Variants in HOGA1 observed in about 807,000 individuals in gnomAD.
The protein encoded by HOGA1 is 4-hydroxy-2-oxoglutarate aldolase, mitochondrial.
In HOGA1, 30 loss-of-function variants were observed where a neutral mutation model predicts 34.3. That is an observed-to-expected ratio of 0.87 (90% CI 0.65 to 1.19). HOGA1 has a LOEUF of 1.19. Ranked by LOEUF, HOGA1 falls within the 50% of genes most tolerant of loss-of-function variation. HOGA1 has a pLI of 0.00. For missense variants in HOGA1, 417 were observed against 436.5 expected (o/e 0.96, Z 0.40); for synonymous variants, 161 against 174.0 (o/e 0.93, Z 0.59).
At chr10:97,611,018 G>T (rs1328709628) in intron 6 of HOGA1, among the ~76,000 whole-genome samples, 1 of 152,180 alleles carries the variant, frequency 6.6e-6, no homozygotes, top group East Asian at 1.9e-4. Context: ...TAGTGTTAGG[G>T]TCAGGAGGAG....
chr10:97,589,526 C>T (rs567139455), intron 1 of HOGA1, among the ~76,000 whole-genome samples: 1 of 151,916 alleles, frequency 6.6e-6, no homozygotes, highest in Non-Finnish European at 1.5e-5. Flanking sequence ...TTTCACTGAG[C>T]CTGGGGACAG....
At chr10:97,590,520 A>G (rs1176913650) in intron 1 of HOGA1, 3 of 1,612,432 alleles carry the variant, frequency 1.9e-6, no homozygotes, top group African/African-American at 2.7e-5. Flanking sequence ...CACAGTCACC[A>G]TGGCCACCCA....
At chr10:97,600,411 A>G (rs1276730864) in intron 5 of HOGA1, 2 of 569,442 alleles carry the variant, frequency 3.5e-6, no homozygotes, top group Admixed American at 5.8e-5. Context: ...GGATGCCTGC[A>G]GTTTGTTCTG....
rs1299906291 is a variant in HOGA1, at chr10:97,584,849, C to T, written c.146C>T (p.Thr49Ile). 6.2e-7 allele frequency: 1 copy of T among 1,614,180 alleles called. No homozygotes were observed. The highest frequency in any genetic ancestry group is 1.3e-5 in the African/African-American group (1 of 75,058). The change falls in exon 1 of 7, where the codon ACT becomes ATT. Residue 49 changes from threonine (T) to isoleucine (I), a missense_variant. Thr to Ile is a moderately conservative substitution (Grantham distance 89). Coordinates refer to ENST00000370646, the MANE Select transcript of HOGA1 (RefSeq NM_138413.4). ...CCTGTGACCACCCCCTTCACTGCCA[C>T]TGCAGAGGTGGACTATGGGAAACTG... Reference protein sequence around the residue: ...YPPVTTPFTATAEVDYGKLEE... With the variant: ...YPPVTTPFTAIAEVDYGKLEE...
intron 1 of HOGA1, among the ~76,000 whole-genome samples, chr10:97,585,273 C>T (rs1248902950): frequency 6.6e-6 from 1 of 152,124 alleles, no homozygotes. Flanking sequence ...GCTGGGGTCA[C>T]GTGGCAGCCC....
intron 1 of HOGA1, among the ~76,000 whole-genome samples, chr10:97,585,877 G>A (rs1460019250): frequency 3.3e-5 from 5 of 152,170 alleles, no homozygotes; most frequent in African/African-American, 7.2e-5. Flanking sequence ...TGGAGTGAGC[G>A]CCTGTAATCC....
intron 6 of HOGA1, among the ~76,000 whole-genome samples, chr10:97,602,937 C>T (rs2041131148): frequency 6.6e-6 from 1 of 152,186 alleles, no homozygotes; most frequent in Non-Finnish European, 1.5e-5. Context: ...AGTGATCTGC[C>T]CACCTCAGCC....
intron 1 of HOGA1, among the ~76,000 whole-genome samples, chr10:97,593,126 C>G (rs1028819218): frequency 4.0e-5 from 6 of 151,634 alleles, no homozygotes; most frequent in Non-Finnish European, 8.8e-5. Flanking sequence ...TAGGCTCTTG[C>G]CTGAGAGTTG....
Position 97,611,800 on chromosome 10 carries a change from C to A in HOGA1, c.*141C>A, listed in dbSNP as rs1024150208. ...GGCTCCTTTGCCTGCTGTGGTCCTC[C>A]AGGCAGCCTTTCACAGGCACGCCCA... On this transcript the variant is annotated 3_prime_UTR_variant, in exon 7 of 7. Transcript: ENST00000370646. 6.8e-6 allele frequency: 7 copies of A among 1,031,546 alleles called. No homozygotes were observed. The highest frequency in any genetic ancestry group is 1.0e-5 in the Non-Finnish European group (7 of 702,500). 63.9% of individuals were successfully genotyped at this position (1,031,546 alleles called of 1,614,324 possible).
intron 1 of HOGA1, among the ~76,000 whole-genome samples, chr10:97,595,543 A>C (rs1011970014): frequency 6.6e-6 from 1 of 152,130 alleles, no homozygotes; most frequent in African/African-American, 2.4e-5. Context: ...TAAAAATACA[A>C]AAATTAGCCG....
In HOGA1 at chr10:97,601,914, T is replaced by C; in HGVS notation, c.758T>C (p.Leu253Pro). 1 of 1,612,980 alleles carries C rather than the reference T, an allele frequency of 6.2e-7. No homozygotes were observed. Among genetic ancestry groups the C allele is most frequent in the Non-Finnish European group, 8.5e-7 (1 of 1,180,004 alleles). ...ANVLGAQVCQLERLCCTGQWE... is the reference protein window; with the variant it reads ...ANVLGAQVCQPERLCCTGQWE... ...GTCCTGGGGGCTCAGGTGTGCCAGC[T>C]GGAGCGACTGTGCTGCACGGGGCAA... is the stretch of plus-strand genomic sequence containing the variant. The change falls in exon 6 of 7, where the codon CTG becomes CCG. Residue 253 changes from leucine (L) to proline (P), a missense_variant. Transcript: ENST00000370646.
chr10:97,598,749 G>C, intron 1 of HOGA1, 26 bp from the exon 2 acceptor site: 5 of 1,614,164 alleles, frequency 3.1e-6, no homozygotes, highest in Non-Finnish European at 3.4e-6. Flanking sequence ...GGATGGGAAG[G>C]AGTTAGTCAG....
chr10:97,585,899 G>A (rs2040967119), intron 1 of HOGA1, among the ~76,000 whole-genome samples: 1 of 152,176 alleles, frequency 6.6e-6, no homozygotes, highest in Non-Finnish European at 1.5e-5. Flanking sequence ...AACACTTTGG[G>A]AGGCCGAGGC....
chr10:97,600,380 A>G (rs1263918612), intron 5 of HOGA1: 12 of 618,516 alleles, frequency 1.9e-5, no homozygotes, highest in Non-Finnish European at 2.9e-5. Context: ...ATGGCCGTGT[A>G]CAATCCCTGG....
At chr10:97,605,425 A>G (rs2041150417) in intron 6 of HOGA1, among the ~76,000 whole-genome samples, 1 of 151,596 alleles carries the variant, frequency 6.6e-6, no homozygotes, top group South Asian at 2.1e-4. Context: ...AAAAAAAACA[A>G]AAAACCAAAA....
Position 97,598,769 on chromosome 10 carries a change from T to C in HOGA1, c.212-6T>C, listed in dbSNP as rs372066473. ...GGAAGGAGTTAGTCAGCTGTGTCTCTTGCAGGCTTCGTGGTCCAGGGCTCC... is the reference window on the plus strand; with the variant it reads ...GGAAGGAGTTAGTCAGCTGTGTCTCCTGCAGGCTTCGTGGTCCAGGGCTCC... On this transcript the variant is annotated splice_polypyrimidine_tract_variant and splice_region_variant and intron_variant, in intron 1 of 6. Coordinates refer to ENST00000370646, the MANE Select transcript of HOGA1 (RefSeq NM_138413.4). 13 of 1,614,112 alleles carry C rather than the reference T, an allele frequency of 8.1e-6. No individual in the cohort carries two copies. Among genetic ancestry groups the C allele is most frequent in the Middle Eastern group, 3.3e-4 (2 of 6,084 alleles).
chr10:97,607,310 C>T (rs180995995), intron 6 of HOGA1, among the ~76,000 whole-genome samples: 1 of 152,154 alleles, frequency 6.6e-6, no homozygotes, highest in Non-Finnish European at 1.5e-5. Flanking sequence ...CTTCCCTCCC[C>T]CTGGCCTGCT....
Position 97,602,419 on chromosome 10 carries a change from A to G in HOGA1, c.834+429A>G, listed in dbSNP as rs2135724312. On this transcript the variant is annotated intron_variant, in intron 6 of 6. Transcript: ENST00000370646. The stretch of plus-strand genomic sequence containing the variant: ...AATGACTGGGGCTGGCAAAGGAGTT[A>G]GAAGGCAGGAGAGTGTTGTCTTCAA... 3 of 985,410 alleles carry G rather than the reference A, an allele frequency of 3.0e-6. 1 individual carries two copies. The highest frequency in any genetic ancestry group is 3.6e-6 in the Non-Finnish European group (3 of 829,934). The allele number at this position is 985,410 out of a possible 1,614,324, so 61.0% of individuals were successfully genotyped here.
intron 5 of HOGA1, 55 bp downstream of exon 5, chr10:97,600,218 C>A (rs781419688): frequency 4.7e-5 from 67 of 1,424,604 alleles, no homozygotes; most frequent in Non-Finnish European, 6.6e-5. Flanking sequence ...TACCCAGGTA[C>A]CTGGGTCTTC....
Sources: allele counts gnomAD v4.1 joint callset (sites outside exome capture counted in the v4.1 genomes callset), GRCh38; gene constraint gnomAD v4.1.1; transcripts MANE v1.5; gene names NCBI Gene and HGNC (gene_info 2026-07-23, HGNC 2026-07-21).